Variants in ABCC2 observed in about 807,000 individuals in gnomAD.
ABCC2 encodes ATP-binding cassette sub-family C member 2.
ABCC2 carries 157 observed loss-of-function variants against 173.4 expected under a neutral mutation model. The ratio of observed to expected loss-of-function variants is 0.91; its 90% CI spans 0.80 to 1.03. ABCC2 has a LOEUF of 1.03. Among genes scored for constraint, ABCC2 ranks in the 50% least tolerant of loss-of-function variants. The probability of loss-of-function intolerance (pLI) is 0.00; values close to 1 mark genes in which losing one functional copy is unlikely to be tolerated. For synonymous variants in ABCC2, 657 were observed against 693.5 expected (o/e 0.95, Z 0.83); for missense variants, 1,822 against 1,852.3 (o/e 0.98, Z 0.30).
chr10:99,784,899 CAGGT>C (rs1343365893), intron 2 of ABCC2, 118 bp downstream of exon 2: 1 of 1,256,588 alleles, frequency 8.0e-7, no homozygotes, highest in Non-Finnish European at 1.1e-6. Context: ...GCCATTGTCT[CAGGT>C]AGAGCCAGGC....
Position 99,804,274 on chromosome 10 carries a change from G to A in ABCC2, c.1464+1G>A, listed in dbSNP as rs1404058749. The A allele has an allele frequency of 6.2e-7, 1 of 1,614,016 alleles. No individual in the cohort carries two copies. Among genetic ancestry groups the A allele is most frequent in the Non-Finnish European group, 8.5e-7 (1 of 1,179,982 alleles). ...GTCCACCAAGAGTAAGACCATTCAG[G>A]TAAAGAAAAAGTCACCCAGAAGAAT... On this transcript the variant is annotated splice_donor_variant, in intron 10 of 31. Coordinates refer to ENST00000647814, the MANE Select transcript of ABCC2 (RefSeq NM_000392.5). LOFTEE classifies it high-confidence loss of function.
intron 16 of ABCC2, among the ~76,000 whole-genome samples, chr10:99,814,210 C>CACGT: frequency 1.7e-5 from 1 of 59,818 alleles, no homozygotes; most frequent in African/African-American, 6.5e-5. Context: ...TATATACACA[C>CACGT]ATGTGTATAT....
chr10:99,846,041 T>C (rs1012908546), intron 29 of ABCC2, among the ~76,000 whole-genome samples: 2 of 152,242 alleles, frequency 1.3e-5, no homozygotes, highest in African/African-American at 4.8e-5. Context: ...GACGATTCTT[T>C]AGCGTTGCTA....
At chr10:99,831,947 T>C (rs765484221) in intron 22 of ABCC2, 30 bp from the exon 23 acceptor site, 15 of 1,614,100 alleles carry the variant, frequency 9.3e-6, no homozygotes, top group Non-Finnish European at 1.1e-5. Flanking sequence ...TTCCTGTGCA[T>C]GGTGCTGACA....
At position 99,799,658 on chromosome 10, in the gene ABCC2, A is replaced by G. The variant is rs2804397; in HGVS notation, c.1031+288A>G. On this transcript the variant is annotated intron_variant, in intron 8 of 31. Coordinates refer to ENST00000647814, the MANE Select transcript of ABCC2 (RefSeq NM_000392.5). ...GTTAAACTGCTAAGGGCTGAGCCAG[A>G]TCCAAGTGGCGGGTAGCATACCCCT... is the stretch of plus-strand genomic sequence containing the variant. 0.96 allele frequency among the ~76,000 whole-genome samples: 145,379 copies of G among 152,192 alleles called. 69,459 individuals carry two copies. The highest frequency in any genetic ancestry group is 1 in the East Asian group (5,184 of 5,186).
intron 19 of ABCC2, among the ~76,000 whole-genome samples, chr10:99,825,840 C>CG (rs2038629386): frequency 2.0e-5 from 3 of 152,156 alleles, no homozygotes; most frequent in Admixed American, 2.0e-4. Context: ...CCGCTCGTGG[C>CG]GGGGGACAAT....
chr10:99,811,705 T>C lies in ABCC2; in HGVS notation c.1967+103T>C. 4 of 1,337,282 alleles carry C rather than the reference T, an allele frequency of 3.0e-6. No homozygotes were observed. In the South Asian group the frequency reaches 4.8e-5, roughly 16 times the overall value. 82.8% of individuals were successfully genotyped at this position (1,337,282 alleles called of 1,614,324 possible). A position where few individuals can be genotyped will look rare whatever the true frequency, so the allele number is the denominator to read the frequency against. On this transcript the variant is annotated intron_variant, in intron 15 of 31. Transcript: ENST00000647814. ...AGAATGCATGGGGAAATGAGCTATG[T>C]GCATGTCTTCGGTTAGATACTAGTG...
chr10:99,797,268 C>T lies in ABCC2; in HGVS notation c.804C>T (p.Asn268=). 1 of 1,614,030 alleles carries T rather than the reference C, an allele frequency of 6.2e-7. No individual in the cohort carries two copies. Among genetic ancestry groups the T allele is most frequent in the Non-Finnish European group, 8.5e-7 (1 of 1,179,964 alleles). Residue 268 remains asparagine (N), a synonymous_variant, in exon 7 of 32, where the codon AAC becomes AAT. Transcript: ENST00000647814. ...GGCAGGAGAAGAGCTCCCAGCAGAA[C>T]TCTGGAGCCAGGCTGCCTGGCTTGA... ...QRRQEKSSQQ[N]SGARLPGLNK...
intron 11 of ABCC2, among the ~76,000 whole-genome samples, chr10:99,805,709 C>A (rs1010657145): frequency 5.3e-5 from 8 of 152,028 alleles, no homozygotes; most frequent in South Asian, 2.1e-4. Flanking sequence ...CTATCATGAA[C>A]CCCTACAAAC....
Position 99,850,687 on chromosome 10 carries a change from G to A in ABCC2, c.4399G>A (p.Val1467Met), listed in dbSNP as rs373467581. The change falls in exon 31 of 32, where the codon GTG becomes ATG. Residue 1467 changes from valine to methionine, a missense_variant. Coordinates refer to ENST00000647814, the MANE Select transcript of ABCC2 (RefSeq NM_000392.5). The part of the protein sequence containing the change: ...ILVLDEATAA[V>M]DLETDNLIQT... ...GGTCCTGGATGAGGCCACTGCTGCG[G>A]TGGATCTAGAGACAGACAACCTCAT... 1.3e-5 allele frequency: 21 copies of A among 1,614,124 alleles called. No individual in the cohort carries two copies. The highest frequency in any genetic ancestry group is 1.1e-4 in the African/African-American group (8 of 74,936).
chr10:99,787,541 G>T (rs1232672778), intron 2 of ABCC2, among the ~76,000 whole-genome samples: 5 of 152,102 alleles, frequency 3.3e-5, no homozygotes, highest in African/African-American at 1.2e-4. Context: ...GCATGTCCTT[G>T]CACCATTGTC....
chr10:99,835,703 G>T (rs1008465507), intron 24 of ABCC2, among the ~76,000 whole-genome samples: 2 of 152,078 alleles, frequency 1.3e-5, no homozygotes, highest in African/African-American at 2.4e-5. Context: ...CACCCCACGG[G>T]CCCCACTGCC....
chr10:99,821,562 A>G (rs1590174036), intron 19 of ABCC2, among the ~76,000 whole-genome samples: 1 of 152,298 alleles, frequency 6.6e-6, no homozygotes, highest in Admixed American at 6.5e-5. Flanking sequence ...GATGACTCTT[A>G]ACGAGCATGC....
chr10:99,783,971 T>C (rs1564665542), intron 1 of ABCC2, among the ~76,000 whole-genome samples: 1 of 150,844 alleles, frequency 6.6e-6, no homozygotes. Context: ...GTGACTCAGA[T>C]ACAAGAATTG....
intron 14 of ABCC2, 50 bp from the exon 15 acceptor site, chr10:99,811,486 C>G: frequency 1.3e-6 from 2 of 1,578,782 alleles, no homozygotes; most frequent in South Asian, 2.2e-5. Flanking sequence ...TGAGGGCAGA[C>G]AGTCACGTGG....
chr10:99,795,777 A>T lies in ABCC2; in HGVS notation c.632+1309A>T, dbSNP rs1480837575. 8.3e-3 allele frequency among the ~76,000 whole-genome samples: 1,228 copies of T among 147,124 alleles called. 21 individuals are homozygous for T. The highest frequency in any genetic ancestry group is 0.013 in the African/African-American group (497 of 37,758). Reference sequence around the variant, plus strand: ...AAAGAAAGAAAGAAAGAAAGAAAGAAAGAAAGAAAGAAAGAAAGAAAGAAA... The same window carrying T: ...AAAGAAAGAAAGAAAGAAAGAAAGATAGAAAGAAAGAAAGAAAGAAAGAAA... On this transcript the variant is annotated intron_variant, in intron 6 of 31. Coordinates refer to ENST00000647814, the MANE Select transcript of ABCC2 (RefSeq NM_000392.5).
rs772359510 is a variant in ABCC2 at position 99,834,388 on chromosome 10, C to T, written c.3267C>T (p.Ser1089=). 1.2e-6 allele frequency: 2 copies of T among 1,614,004 alleles called. No individual in the cohort carries two copies. The highest frequency in any genetic ancestry group is 2.2e-5 in the East Asian group (1 of 44,900). ...RIVNRFAGDI[S]TVDDTLPQSL... is the part of the protein sequence containing the mutation. ...CCTAATCGTTTTCCTAGGATATTTC[C>T]ACAGTGGATGACACCCTGCCTCAGT... is the stretch of plus-strand genomic sequence containing the variant. The change falls in exon 24 of 32, where the codon TCC becomes TCT. Residue 1089 remains serine (S), a synonymous_variant. Transcript: ENST00000647814.
intron 19 of ABCC2, among the ~76,000 whole-genome samples, chr10:99,822,851 C>T (rs935870865): frequency 1.3e-5 from 2 of 152,064 alleles, no homozygotes; most frequent in Admixed American, 1.3e-4. Context: ...ATAAGGCATT[C>T]CTGTTGTATG....
chr10:99,799,302 G>A lies in ABCC2; in HGVS notation c.963G>A (p.Val321=), dbSNP rs1269669117. The stretch of plus-strand genomic sequence containing the variant: ...CTCTGTTCAAAACTTTCTACATGGT[G>A]CTCCTGAAATCATTCCTACTGAAGC... ...MKALFKTFYM[V]LLKSFLLKLV... is the part of the protein sequence containing the mutation. Residue 321 remains valine, a synonymous_variant, in exon 8 of 32, where the codon GTG becomes GTA. Transcript: ENST00000647814. 1 of 1,614,004 alleles carries A rather than the reference G, an allele frequency of 6.2e-7. No individual in the cohort carries two copies. The highest frequency in any genetic ancestry group is 2.2e-5 in the East Asian group (1 of 44,890).
Sources: gnomAD v4.1 joint callset for allele counts (sites outside exome capture counted in the v4.1 genomes callset) on GRCh38, gnomAD v4.1.1 for gene constraint, MANE v1.5 for transcripts, NCBI Gene and HGNC (gene_info 2026-07-23, HGNC 2026-07-21) for gene names.